The following ZFPM1 variants were observed in gnomAD, a reference collection of about 807,000 sequenced individuals.
The protein encoded by ZFPM1 is zinc finger protein ZFPM1.
ZFPM1 carries 28 observed loss-of-function variants against 46.3 expected under a neutral mutation model. That is an observed-to-expected ratio of 0.60 (90% CI 0.45 to 0.83). The LOEUF (loss-of-function observed/expected upper bound fraction) is 0.83. Ranked by LOEUF, ZFPM1 falls within the 40% of genes least tolerant of loss-of-function variation. The pLI is 0.00. For missense variants in ZFPM1, 1,878 were observed against 1,432.4 expected (o/e 1.31, Z -5.02); for synonymous variants, 957 against 675.9 (o/e 1.42, Z -6.45).
intron 1 of ZFPM1, among the ~76,000 whole-genome samples, chr16:88,474,702 T>C (rs9933167): frequency 0.19 from 28,244 of 152,190 alleles, 3,109 homozygotes; most frequent in Non-Finnish European, 0.25. Flanking sequence ...GCCAGCCCGC[T>C]CTTCTCCATC....
chr16:88,533,956 C>A lies in ZFPM1; in HGVS notation c.1998C>A (p.Ser666Arg). The change falls in exon 10 of 10, where the codon AGC becomes AGA. Residue 666 changes from serine (S) to arginine (R), a missense_variant. By Grantham distance (110) the Ser-to-Arg change is moderately radical (BLOSUM62 -1). Coordinates refer to ENST00000319555, the MANE Select transcript of ZFPM1 (RefSeq NM_153813.3). Reference sequence around the variant, plus strand: ...CGGGCGGCCGGGGCAGCGAGGGCAGCCAGAGCCCGGGTAGCTCCGTGGACG... The same window carrying A: ...CGGGCGGCCGGGGCAGCGAGGGCAGACAGAGCCCGGGTAGCTCCGTGGACG... The part of the protein sequence containing the change: ...DGAGGRGSEG[S>R]QSPGSSVDDA... 7.7e-7 allele frequency: 1 copy of A among 1,294,410 alleles called. No individual in the cohort carries two copies. The highest frequency in any genetic ancestry group is 1.6e-5 in the African/African-American group (1 of 62,460). The allele number at this position is 1,294,410 out of a possible 1,614,324, so 80.2% of individuals were successfully genotyped here. A position where few individuals can be genotyped will look rare whatever the true frequency, so the allele number is the denominator to read the frequency against.
At chr16:88,491,964 G>A (rs1375963259) in intron 3 of ZFPM1, among the ~76,000 whole-genome samples, 2 of 152,190 alleles carry the variant, frequency 1.3e-5, no homozygotes, top group African/African-American at 4.8e-5. Flanking sequence ...TGCCCAGCCA[G>A]GTGACCGGTC....
intron 3 of ZFPM1, among the ~76,000 whole-genome samples, chr16:88,504,318 G>A (rs943371794): frequency 3.9e-5 from 6 of 152,166 alleles, no homozygotes; most frequent in Non-Finnish European, 8.8e-5. Flanking sequence ...AATAGGACAA[G>A]GCAAGGCTGG....
rs537594030 is a variant in ZFPM1, at chr16:88,482,082, G to A, written c.41-3857G>A. On this transcript the variant is annotated intron_variant, in intron 1 of 9. Transcript: ENST00000319555. ...GCAGCAGCTGTCAGCCTGCCTGGCC[G>A]TGGGTTGGCCTGCTCCAGCTGTTGG... Among the ~76,000 whole-genome samples, 9 of 152,370 alleles carry A rather than the reference G, an allele frequency of 5.9e-5. 1 individual carries two copies. In the East Asian group the frequency reaches 1.2e-3, roughly 20 times the overall value.
chr16:88,493,037 GT>G (rs1909672897), intron 3 of ZFPM1, among the ~76,000 whole-genome samples: 1 of 150,520 alleles, frequency 6.6e-6, no homozygotes, highest in African/African-American at 2.4e-5. Flanking sequence ...CTGTCCCGGG[GT>G]ATGGAGAGCT....
intron 4 of ZFPM1, among the ~76,000 whole-genome samples, chr16:88,525,522 G>T (rs1219427582): frequency 6.6e-6 from 1 of 152,248 alleles, no homozygotes; most frequent in African/African-American, 2.4e-5. Flanking sequence ...CAAAAAGTGT[G>T]TTTACAGGAA....
Position 88,519,428 on chromosome 16 carries a change from G to A in ZFPM1, c.402+4908G>A, listed in dbSNP as rs559897040. Reference sequence around the variant, plus strand: ...GGGTGAATGGGTGGATAGATGGATGGATGGATGGATAGATGCATGGTGGAT... The same window carrying A: ...GGGTGAATGGGTGGATAGATGGATGAATGGATGGATAGATGCATGGTGGAT... On this transcript the variant is annotated intron_variant, in intron 4 of 9. Coordinates refer to ENST00000319555, the MANE Select transcript of ZFPM1 (RefSeq NM_153813.3). Among the ~76,000 whole-genome samples, 4 of 151,346 alleles carry A rather than the reference G, an allele frequency of 2.6e-5. No homozygotes were observed. In the South Asian group the frequency reaches 8.4e-4, roughly 32 times the overall value.
chr16:88,528,060 G>C lies in ZFPM1; in HGVS notation c.534G>C (p.Lys178Asn). 3 of 1,556,974 alleles carry C rather than the reference G, an allele frequency of 1.9e-6. No individual in the cohort carries two copies. The highest frequency in any genetic ancestry group is 1.9e-5 in the Admixed American group (1 of 52,306). ...ACGCACTCTGGTGCAGGGTCACCAAGCCGGTGCCTGCGGGGGGACTCCTGA... is the reference window on the plus strand; with the variant it reads ...ACGCACTCTGGTGCAGGGTCACCAACCCGGTGCCTGCGGGGGGACTCCTGA... ...KDDALWCRVT[K>N]PVPAGGLLSV... is the part of the protein sequence containing the mutation. Residue 178 changes from lysine (K) to asparagine (N), a missense_variant, in exon 6 of 10, where the codon AAG (lysine) becomes AAC (asparagine). Physicochemically the swap from Lys to Asn is moderately conservative, Grantham distance 94. Coordinates refer to ENST00000319555, the MANE Select transcript of ZFPM1 (RefSeq NM_153813.3).
intron 1 of ZFPM1, among the ~76,000 whole-genome samples, chr16:88,463,251 A>T (rs1296009741): frequency 2.6e-5 from 4 of 152,174 alleles, no homozygotes; most frequent in Admixed American, 2.6e-4. Context: ...CTCACGGTTG[A>T]TGGCGCATCT....
In ZFPM1 at chr16:88,480,382, G is replaced by A. The variant is rs1908877678; in HGVS notation, c.41-5557G>A. On this transcript the variant is annotated intron_variant, in intron 1 of 9. Transcript: ENST00000319555. This position sits in a 1 kb window ranked among gnomAD's most constrained non-coding sequence, Gnocchi z 4.9. ...GGAGCCAGCGAAAGCGAAGGAGGAA[G>A]AAGTGAGTGTGTGAGGGGACGGGTG... Among the ~76,000 whole-genome samples, 1 of 152,220 alleles carries A rather than the reference G, an allele frequency of 6.6e-6. No homozygotes were observed. The highest frequency in any genetic ancestry group is 1.5e-5 in the Non-Finnish European group (1 of 68,044).
At chr16:88,523,908 C>A (rs748971115) in intron 4 of ZFPM1, among the ~76,000 whole-genome samples, 1 of 152,194 alleles carries the variant, frequency 6.6e-6, no homozygotes, top group Admixed American at 6.5e-5. Context: ...GGGGTGCACT[C>A]GGCGGGGCCG....
chr16:88,531,684 G>T (rs924272262), intron 6 of ZFPM1, among the ~76,000 whole-genome samples: 3 of 152,220 alleles, frequency 2.0e-5, no homozygotes, highest in African/African-American at 7.2e-5. Context: ...GCCTCACCTG[G>T]CGGTGTCCAC....
intron 1 of ZFPM1, among the ~76,000 whole-genome samples, chr16:88,479,440 C>T (rs1345895126): frequency 6.6e-6 from 1 of 152,048 alleles, no homozygotes; most frequent in Non-Finnish European, 1.5e-5. Flanking sequence ...CTGGGGGACC[C>T]AGGCCCTCTG....
intron 3 of ZFPM1, among the ~76,000 whole-genome samples, chr16:88,502,058 C>A (rs959979769): frequency 8.1e-4 from 14 of 17,218 alleles, no homozygotes; most frequent in African/African-American, 2.4e-3. Flanking sequence ...CTCCACCCGC[C>A]CCCCCCCATT....
intron 4 of ZFPM1, 73 bp from the exon 5 acceptor site, chr16:88,526,741 C>T: frequency 6.7e-7 from 1 of 1,488,690 alleles, no homozygotes; most frequent in Non-Finnish European, 9.1e-7. Flanking sequence ...ACAGATGCCC[C>T]ACATACTCAC....
intron 4 of ZFPM1, 103 bp downstream of exon 4, chr16:88,514,623 A>T: frequency 7.3e-7 from 1 of 1,367,934 alleles, no homozygotes; most frequent in Non-Finnish European, 9.6e-7. Context: ...GGCTCTGGCC[A>T]CTTGAAGATG....
At chr16:88,514,353 G>T in intron 3 of ZFPM1, 34 bp from the exon 4 acceptor site, 1 of 1,555,812 alleles carries the variant, frequency 6.4e-7, no homozygotes, top group East Asian at 2.4e-5. Context: ...GCCCCAGACC[G>T]GGCACGCCTC....
intron 1 of ZFPM1, among the ~76,000 whole-genome samples, chr16:88,472,546 G>T (rs993193005): frequency 6.6e-6 from 1 of 152,090 alleles, no homozygotes; most frequent in Non-Finnish European, 1.5e-5. Flanking sequence ...TAGAGACGGG[G>T]TTTCACCCTG....
Position 88,481,498 on chromosome 16 carries a change from A to G in ZFPM1, c.41-4441A>G, listed in dbSNP as rs1908937506. On this transcript the variant is annotated intron_variant, in intron 1 of 9. Transcript: ENST00000319555. The stretch of plus-strand genomic sequence containing the variant: ...AGTCGGCCTTGCTGGGCCTTGGTTT[A>G]CTCACCTGTAAAGTGGGAATGACCT... Among the ~76,000 whole-genome samples the G allele has an allele frequency of 1.5e-5, 2 of 132,860 alleles. 1 individual carries two copies. The highest frequency in any genetic ancestry group is 4.9e-4 in the South Asian group (2 of 4,056). The allele number at this position is 132,860 out of a possible 152,430, so 87.2% of individuals were successfully genotyped here.
Sources: allele counts gnomAD v4.1 joint callset (sites outside exome capture counted in the v4.1 genomes callset), GRCh38; gene constraint gnomAD v4.1.1; non-coding constraint Gnocchi (gnomAD v3.1); transcripts MANE v1.5; gene names NCBI Gene and HGNC (gene_info 2026-07-23, HGNC 2026-07-21).